PRDM16: variants seen among roughly 807,000 people sequenced by gnomAD.
PRDM16 encodes the protein histone-lysine N-methyltransferase PRDM16.
PRDM16 carries 23 observed loss-of-function variants against 110.6 expected under a neutral mutation model. The ratio of observed to expected loss-of-function variants is 0.21; its 90% CI spans 0.15 to 0.29. The LOEUF is 0.29. PRDM16 is among the 10% of genes least tolerant of loss of function. The probability of loss-of-function intolerance (pLI) is 1.00; values close to 1 mark genes in which losing one functional copy is unlikely to be tolerated. For missense variants in PRDM16, 1,615 were observed against 1,794.3 expected, an observed-to-expected ratio of 0.90 and a Z score of 1.81; for synonymous variants, 799 against 781.8, an observed-to-expected ratio of 1.02 and a Z score of -0.37.
intron 3 of PRDM16, among the ~76,000 whole-genome samples, chr1:3,365,726 C>A (rs1386760153): frequency 1.3e-5 from 2 of 152,256 alleles, no homozygotes; most frequent in African/African-American, 4.8e-5. Context: ...CGTCACCTCG[C>A]CGCGGCCTCG....
In PRDM16 at chr1:3,292,756, T is replaced by C. The variant is rs1570008060; in HGVS notation, c.438+48619T>C. Among the ~76,000 whole-genome samples the C allele has an allele frequency of 2.0e-5, 3 of 152,104 alleles. No individual in the cohort carries two copies. The East Asian group carries it at 5.8e-4, about 29-fold the overall frequency. ...CACGGAATTGGCGCGAAGGGAAGAA[T>C]GGGGAGCCCAGGCTGAATGTTCTCC... On this transcript the variant is annotated intron_variant, in intron 3 of 16. Transcript: ENST00000270722.
At chr1:3,296,204 T>TC (rs1641086191) in intron 3 of PRDM16, among the ~76,000 whole-genome samples, 1 of 151,978 alleles carries the variant, frequency 6.6e-6, no homozygotes, top group African/African-American at 2.4e-5. Flanking sequence ...GGTTAATGGG[T>TC]CCCTGCTGGC....
chr1:3,114,451 A>G (rs561372736), intron 1 of PRDM16, among the ~76,000 whole-genome samples: 18 of 137,588 alleles, frequency 1.3e-4, no homozygotes, highest in African/African-American at 2.6e-4. Flanking sequence ...ACGCACACGC[A>G]CACACACGCA....
intron 1 of PRDM16, among the ~76,000 whole-genome samples, chr1:3,089,915 C>CTCATTCATTCATTCAT (rs60239912): frequency 1.1e-3 from 165 of 151,530 alleles, no homozygotes; most frequent in African/African-American, 3.7e-3. Context: ...CTAAAATCCA[C>CTCATTCATTCATTCAT]TCATTCATTC....
chr1:3,186,459 A>G lies in PRDM16; in HGVS notation c.372A>G (p.Thr124=). 6.5e-7 allele frequency: 1 copy of G among 1,538,690 alleles called. No individual in the cohort carries two copies. Among genetic ancestry groups the G allele is most frequent in the Non-Finnish European group, 8.7e-7 (1 of 1,143,478 alleles). Residue 124 remains threonine, a synonymous_variant, in exon 2 of 17, where the codon ACA becomes ACG. Coordinates refer to ENST00000270722, the MANE Select transcript of PRDM16 (RefSeq NM_022114.4). The part of the protein sequence containing the change: ...VVVPRAAAKE[T]DFGWEQILTD... ...TGCCCCGGGCGGCGGCAAAGGAGAC[A>G]GACTTCGGATGGGAGGTGAGCGATC...
chr1:3,135,099 G>T (rs986999827), intron 1 of PRDM16, among the ~76,000 whole-genome samples: 1 of 152,228 alleles, frequency 6.6e-6, no homozygotes, highest in Non-Finnish European at 1.5e-5. Context: ...CACTTTCCTC[G>T]GGAGCTCGCT....
At chr1:3,099,526 G>A (rs1014359819) in intron 1 of PRDM16, among the ~76,000 whole-genome samples, 1 of 152,212 alleles carries the variant, frequency 6.6e-6, no homozygotes, top group Non-Finnish European at 1.5e-5. Context: ...CATCCTGCGG[G>A]CGGCTCCTGG....
chr1:3,304,883 G>A (rs1039638675), intron 3 of PRDM16, among the ~76,000 whole-genome samples: 1 of 152,100 alleles, frequency 6.6e-6, no homozygotes, highest in Non-Finnish European at 1.5e-5. Flanking sequence ...GGCCTCCCAG[G>A]TGGACCCTAT....
intron 15 of PRDM16, among the ~76,000 whole-genome samples, chr1:3,431,543 G>A (rs545057938): frequency 5.3e-5 from 8 of 152,222 alleles, no homozygotes; most frequent in Non-Finnish European, 5.9e-5. Context: ...GGGCCTGGGC[G>A]ACACTGCCAG....
intron 1 of PRDM16, among the ~76,000 whole-genome samples, chr1:3,101,883 C>A (rs1250974284): frequency 6.6e-6 from 1 of 152,224 alleles, no homozygotes; most frequent in African/African-American, 2.4e-5. Context: ...CCCCCAGTCC[C>A]AGCTGGAGCT....
At chr1:3,099,767 C>T (rs895593477) in intron 1 of PRDM16, among the ~76,000 whole-genome samples, 2 of 152,166 alleles carry the variant, frequency 1.3e-5, no homozygotes, top group Non-Finnish European at 2.9e-5. Flanking sequence ...CATCAGAGAC[C>T]GTTTAAGAGA....
Position 3,426,113 on chromosome 1 carries a change from G to A in PRDM16, c.3172G>A (p.Glu1058Lys), listed in dbSNP as rs768732515. The A allele has an allele frequency of 6.2e-7, 1 of 1,614,020 alleles. No individual in the cohort carries two copies. Among genetic ancestry groups the A allele is most frequent in the South Asian group, 1.1e-5 (1 of 91,084 alleles). Residue 1058 changes from glutamate (E) to lysine (K), a missense_variant, in exon 14 of 17, where the codon GAG becomes AAG. Glu to Lys is a moderately conservative substitution (Grantham distance 56). Coordinates refer to ENST00000270722, the MANE Select transcript of PRDM16 (RefSeq NM_022114.4). The stretch of plus-strand genomic sequence containing the variant: ...GACCAGCGCGTCCTCTCCCACCTCA[G>A]AGTCGGACAACCACGCACTTTTAGA... ...LGTSASSPTS[E>K]SDNHALLDEK...
intron 3 of PRDM16, among the ~76,000 whole-genome samples, chr1:3,258,432 T>G (rs1557562762): frequency 6.6e-6 from 1 of 152,242 alleles, no homozygotes; most frequent in African/African-American, 2.4e-5. Flanking sequence ...CCTCTTCTTA[T>G]GCTAACGGGA....
At chr1:3,100,124 G>T (rs937559480) in intron 1 of PRDM16, among the ~76,000 whole-genome samples, 2 of 152,138 alleles carry the variant, frequency 1.3e-5, no homozygotes, top group Non-Finnish European at 2.9e-5. Context: ...GCATCTGTGG[G>T]AAGGAAGGGC....
intron 3 of PRDM16, among the ~76,000 whole-genome samples, chr1:3,362,622 G>A (rs1265107113): frequency 6.6e-6 from 1 of 152,166 alleles, no homozygotes. Flanking sequence ...GTCACAGATG[G>A]TCCTTTCTAA....
At chr1:3,310,810 A>G (rs1557598194) in intron 3 of PRDM16, among the ~76,000 whole-genome samples, 1 of 151,830 alleles carries the variant, frequency 6.6e-6, no homozygotes, top group Admixed American at 6.6e-5. Flanking sequence ...GTGTATGTGT[A>G]TGTGCATGTG....
rs1050782299 is a variant in PRDM16 at position 3,209,284 on chromosome 1, G to A, written c.387+22810G>A. ...TCTCAGAGTGGGATTTACTAAGCAC[G>A]GTCACGCTGAACAGTAACTGTGGGC... On this transcript the variant is annotated intron_variant, in intron 2 of 16. Coordinates refer to ENST00000270722, the MANE Select transcript of PRDM16 (RefSeq NM_022114.4). The surrounding 1 kb of genome is among the most constrained non-coding windows in gnomAD (Gnocchi z 4.6). Among the ~76,000 whole-genome samples the A allele has an allele frequency of 1.3e-5, 2 of 152,218 alleles. No homozygotes were observed. Among genetic ancestry groups the A allele is most frequent in the African/African-American group, 2.4e-5 (1 of 41,456 alleles).
chr1:3,220,259 C>A (rs748531986), intron 2 of PRDM16, among the ~76,000 whole-genome samples: 13 of 152,222 alleles, frequency 8.5e-5, no homozygotes, highest in Admixed American at 3.9e-4. Flanking sequence ...CCGATGCACA[C>A]AAAACCTGTC....
chr1:3,320,314 A>ATGTGTG (rs377472497), intron 3 of PRDM16, among the ~76,000 whole-genome samples: 1 of 151,918 alleles, frequency 6.6e-6, no homozygotes, highest in African/African-American at 2.4e-5. Context: ...TCAAGAGTAG[A>ATGTGTG]TGTGTGTGTG....
Sources: gnomAD v4.1 joint callset for allele counts (sites outside exome capture counted in the v4.1 genomes callset) on GRCh38, gnomAD v4.1.1 for gene constraint, Gnocchi (gnomAD v3.1) non-coding constraint, MANE v1.5 for transcripts, NCBI Gene and HGNC (gene_info 2026-07-23, HGNC 2026-07-21) for gene names.